The following CORO7 variants were observed in gnomAD, a reference collection of about 807,000 sequenced individuals.
CORO7 encodes the protein coronin-7.
CORO7 carries 107 observed loss-of-function variants against 126.6 expected under a neutral mutation model. That is an observed-to-expected ratio of 0.85 (90% CI 0.72 to 0.99). The LOEUF is 0.99. Among genes scored for constraint, CORO7 ranks in the 50% least tolerant of loss-of-function variants. The pLI, the probability that CORO7 is intolerant of heterozygous loss-of-function variation, is 0.00. For synonymous variants in CORO7, 603 were observed against 536.8 expected, an observed-to-expected ratio of 1.12 and a Z score of -1.70; for missense variants, 1,314 against 1,255.8, an observed-to-expected ratio of 1.05 and a Z score of -0.70.
intron 7 of CORO7, among the ~76,000 whole-genome samples, chr16:4,392,703 G>A (rs545879728): frequency 2.6e-5 from 4 of 152,200 alleles, no homozygotes; most frequent in Non-Finnish European, 4.4e-5. Flanking sequence ...CCTCTCCCTC[G>A]AGCCGGCCCC....
chr16:4,388,388 C>T (rs537163702), intron 8 of CORO7, among the ~76,000 whole-genome samples, 157 bp downstream of exon 8: 1 of 152,204 alleles, frequency 6.6e-6, no homozygotes, highest in Admixed American at 6.5e-5. Flanking sequence ...CCGTCAGTCC[C>T]CTGAGGCTCT....
At chr16:4,359,042 G>A (rs1013801644) in intron 23 of CORO7, 1 of 545,496 alleles carries the variant, frequency 1.8e-6, no homozygotes, top group African/African-American at 1.9e-5. Context: ...CTTCCGAAGT[G>A]TTGGGATTCC....
At position 4,362,392 on chromosome 16, in the gene CORO7, T is replaced by A. The variant is rs1306900488; in HGVS notation, c.1402+220A>T. Reference sequence around the variant, plus strand: ...TCTTGGTGGAGCCCAGGGCTTTGGCTGCTCAGAAGCTGGTGGCCCCAGCCG... The same window carrying A: ...TCTTGGTGGAGCCCAGGGCTTTGGCAGCTCAGAAGCTGGTGGCCCCAGCCG... On this transcript the variant is annotated intron_variant, in intron 15 of 27. Transcript: ENST00000251166. The surrounding 1 kb of genome is among the most constrained non-coding windows in gnomAD (Gnocchi z 5.3). 6.6e-6 allele frequency among the ~76,000 whole-genome samples: 1 copy of A among 152,110 alleles called. No homozygotes were observed. The highest frequency in any genetic ancestry group is 1.5e-5 in the Non-Finnish European group (1 of 68,008).
intron 6 of CORO7, among the ~76,000 whole-genome samples, chr16:4,401,716 G>C (rs1021089389): frequency 4.6e-5 from 7 of 152,106 alleles, no homozygotes; most frequent in Non-Finnish European, 1.0e-4. Context: ...GACAGCAGGA[G>C]ACAGGCAGGA....
rs202121148 is a variant in CORO7, at chr16:4,381,376, C to T, written c.785+6610G>A. 2.3e-4 allele frequency: 367 copies of T among 1,581,942 alleles called. 1 individual carries two copies. The highest frequency in any genetic ancestry group is 2.7e-4 in the Non-Finnish European group (315 of 1,166,882). ...CGAGCTGCGGGCACTGCCCCCGCTGCGCCTGCCCCGCCTGCTGCTGCTGGA... is the reference window on the plus strand; with the variant it reads ...CGAGCTGCGGGCACTGCCCCCGCTGTGCCTGCCCCGCCTGCTGCTGCTGGA... On this transcript the variant is annotated intron_variant, in intron 9 of 27. Transcript: ENST00000251166.
intron 9 of CORO7, chr16:4,381,696 C>G: frequency 6.2e-7 from 1 of 1,608,102 alleles, no homozygotes. Context: ...ATGTGAGCAA[C>G]CTAAGCCTGC....
chr16:4,405,812 GCC>G (rs879841866), intron 5 of CORO7, among the ~76,000 whole-genome samples: 3,586 of 152,192 alleles, frequency 0.024, 67 homozygotes, highest in Non-Finnish European at 0.034. Flanking sequence ...CCCGCTCCTG[GCC>G]TGGCTCTCTC....
At chr16:4,410,926 G>A (rs867856899) in intron 3 of CORO7, among the ~76,000 whole-genome samples, 20 of 152,230 alleles carry the variant, frequency 1.3e-4, no homozygotes, top group African/African-American at 4.3e-4. Flanking sequence ...CGTGACAGTA[G>A]TTTGCAGACC....
Position 4,408,281 on chromosome 16 carries a change from G to A in CORO7, c.233-30C>T, listed in dbSNP as rs1281263033. ...GGGAGAGGAATGGCTGAACCCACCG[G>A]AATGTCCTGTTTCCAACCCAGTATG... On this transcript the variant is annotated intron_variant, in intron 3 of 27. Transcript: ENST00000251166. The A allele has an allele frequency of 2.5e-6, 4 of 1,614,040 alleles. No individual in the cohort carries two copies. The Admixed American group carries it at 5.0e-5, about 20-fold the overall frequency.
chr16:4,412,141 C>T (rs951498586), intron 3 of CORO7, among the ~76,000 whole-genome samples: 1 of 152,120 alleles, frequency 6.6e-6, no homozygotes, highest in African/African-American at 2.4e-5. Context: ...AGCTCACAAC[C>T]GGAGCACACA....
chr16:4,382,850 T>C, intron 9 of CORO7: 1 of 1,585,412 alleles, frequency 6.3e-7, no homozygotes, highest in Admixed American at 1.8e-5. Context: ...CTCATGGGCT[T>C]CCCAGGGCCT....
intron 9 of CORO7, among the ~76,000 whole-genome samples, chr16:4,367,504 A>G (rs1237071728): frequency 6.6e-6 from 1 of 152,220 alleles, no homozygotes; most frequent in Non-Finnish European, 1.5e-5. Flanking sequence ...CAAGGTGCTC[A>G]CAGCCTAGCA....
At chr16:4,401,548 G>A (rs1219502352) in intron 6 of CORO7, among the ~76,000 whole-genome samples, 2 of 152,210 alleles carry the variant, frequency 1.3e-5, no homozygotes. Context: ...GAGGGATGGC[G>A]AGGGACAGAG....
At chr16:4,382,644 G>T (rs140353738) in intron 9 of CORO7, 3 of 1,556,528 alleles carry the variant, frequency 1.9e-6, no homozygotes, top group African/African-American at 2.7e-5. Context: ...TCCTGGCCGC[G>T]CTGGCTGCGG....
chr16:4,390,864 G>A (rs1285894239), intron 7 of CORO7, among the ~76,000 whole-genome samples: 2 of 152,230 alleles, frequency 1.3e-5, no homozygotes, highest in African/African-American at 4.8e-5. Flanking sequence ...AGCAGGGAAG[G>A]GAGGAGGAGC....
At chr16:4,380,904 G>A (rs1427506279) in intron 9 of CORO7, 2 of 1,555,758 alleles carry the variant, frequency 1.3e-6, no homozygotes, top group East Asian at 2.3e-5. Context: ...CTCTGCTGCT[G>A]CCGCTGCTCC....
At chr16:4,409,011 G>A (rs749212026) in intron 3 of CORO7, among the ~76,000 whole-genome samples, 3 of 152,138 alleles carry the variant, frequency 2.0e-5, no homozygotes, top group Non-Finnish European at 4.4e-5. Flanking sequence ...GAGGTGGGGA[G>A]GGGTAGGTGG....
At position 4,365,589 on chromosome 16, in the gene CORO7, G is replaced by T; in HGVS notation, c.786-44C>A. 4 of 1,555,676 alleles carry T rather than the reference G, an allele frequency of 2.6e-6. No individual in the cohort carries two copies. In the South Asian group the frequency reaches 4.7e-5, roughly 18 times the overall value. On this transcript the variant is annotated intron_variant, in intron 9 of 27. Coordinates refer to ENST00000251166, the MANE Select transcript of CORO7 (RefSeq NM_024535.5). The stretch of plus-strand genomic sequence containing the variant: ...GATGGCGGGTCAGGGCAGTGGGAGG[G>T]CTGCCAGACTCGTAACCCCATGTAG...
intron 8 of CORO7, 44 bp from the exon 9 acceptor site, chr16:4,388,112 A>C: frequency 3.2e-6 from 5 of 1,583,820 alleles, no homozygotes; most frequent in Non-Finnish European, 4.3e-6. Context: ...CCTGTCCCTC[A>C]GCCCCACCCG....
Sources: gnomAD v4.1 joint callset for allele counts (sites outside exome capture counted in the v4.1 genomes callset) on GRCh38, gnomAD v4.1.1 for gene constraint, Gnocchi (gnomAD v3.1) non-coding constraint, MANE v1.5 for transcripts, NCBI Gene and HGNC (gene_info 2026-07-23, HGNC 2026-07-21) for gene names.